MYH15: variants seen among roughly 807,000 people sequenced by gnomAD.
The protein encoded by MYH15 is myosin heavy chain 15, also known as myosin-15.
In MYH15, 227 loss-of-function variants were observed where a neutral mutation model predicts 240.5. The ratio of observed to expected loss-of-function variants is 0.94; its 90% confidence interval spans 0.85 to 1.05. The LOEUF (loss-of-function observed/expected upper bound fraction) is 1.05, where lower values mean the gene tolerates loss of function less well. Ranked by LOEUF, MYH15 falls within the 50% of genes least tolerant of loss-of-function variation. The pLI, the probability that MYH15 is intolerant of heterozygous loss-of-function variation, is 0.00. For synonymous variants in MYH15, 785 were observed against 796.7 expected (o/e 0.99, Z 0.25); for missense variants, 2,217 against 2,247.5 (o/e 0.99, Z 0.27).
Position 108,411,030 on chromosome 3 carries a change from A to G in MYH15, c.4146-98T>C. ...TAAAGATAGAGCTTGGGTGCAAAGT[A>G]AGATGGCGCCTCTGCAGTGGACTTA... On this transcript the variant is annotated intron_variant, in intron 30 of 40. Transcript: ENST00000693548. 1.1e-5 allele frequency: 11 copies of G among 1,010,240 alleles called. No homozygotes were observed. In the South Asian group the frequency reaches 1.7e-4, roughly 15 times the overall value. The allele number at this position is 1,010,240 out of a possible 1,614,324, so 62.6% of individuals were successfully genotyped here. A position where few individuals can be genotyped will look rare whatever the true frequency, so the allele number is the denominator to read the frequency against.
chr3:108,508,488 C>T (rs1036694269), intron 1 of MYH15, among the ~76,000 whole-genome samples: 1 of 152,100 alleles, frequency 6.6e-6, no homozygotes, highest in Non-Finnish European at 1.5e-5. Context: ...CTCTTTTGGC[C>T]TTCGTATTCT....
the MYH15 span, among the ~76,000 whole-genome samples, chr3:108,549,531 A>C: frequency 6.6e-6 from 1 of 152,078 alleles, no homozygotes; most frequent in Non-Finnish European, 1.5e-5. Flanking sequence ...ATTTATATAG[A>C]TCTTTAAGAA....
Position 108,492,201 on chromosome 3 carries a change from T to TACACACACACACACACAC in MYH15, c.871+281_871+298dup, listed in dbSNP as rs10662107. ...TTAAGGCCTTAAATTAATGCTTTTA[T>TACACACACACACACACAC]ACACACACACACACACACACACACA... On this transcript the variant is annotated intron_variant, in intron 9 of 40. Coordinates refer to ENST00000693548, the MANE Select transcript of MYH15 (RefSeq NM_014981.3). Among the ~76,000 whole-genome samples the TACACACACACACACACAC allele has an allele frequency of 3.4e-5, 5 of 147,926 alleles. No individual in the cohort carries two copies. The South Asian group carries it at 8.7e-4, about 26-fold the overall frequency.
intron 1 of MYH15, among the ~76,000 whole-genome samples, chr3:108,528,563 A>G (rs113172059): frequency 7.2e-4 from 110 of 152,294 alleles, no homozygotes; most frequent in Middle Eastern, 3.4e-3. Flanking sequence ...GTGTATGAAC[A>G]TGTATCTCAA....
At chr3:108,530,670 G>T (rs2083705421), upstream of MYH15, among the ~76,000 whole-genome samples, 1 of 152,170 alleles carries the variant, frequency 6.6e-6, no homozygotes, top group Non-Finnish European at 1.5e-5. Flanking sequence ...TGCATGTGTA[G>T]GGACAGGGGA....
chr3:108,432,007 T>C (rs2082783121), intron 25 of MYH15, among the ~76,000 whole-genome samples: 1 of 152,096 alleles, frequency 6.6e-6, no homozygotes, highest in Non-Finnish European at 1.5e-5. Context: ...AAGGAATTTC[T>C]AAGCAGCAAA....
chr3:108,469,518 G>A (rs1351002096), intron 14 of MYH15, among the ~76,000 whole-genome samples: 1 of 152,160 alleles, frequency 6.6e-6, no homozygotes, highest in Non-Finnish European at 1.5e-5. Context: ...TTACTAATAA[G>A]CCATGAAGTA....
chr3:108,528,628 C>A (rs1314200555), intron 1 of MYH15, among the ~76,000 whole-genome samples: 5 of 152,116 alleles, frequency 3.3e-5, no homozygotes, highest in Non-Finnish European at 7.4e-5. Flanking sequence ...GATCTAAGTT[C>A]TTGTGTTTAC....
At chr3:108,392,029 C>A in intron 36 of MYH15, 99 bp from the exon 37 acceptor site, 2 of 1,322,658 alleles carry the variant, frequency 1.5e-6, no homozygotes, top group Non-Finnish European at 2.1e-6. Flanking sequence ...GGCTGCCACG[C>A]CTTGCCTCTA....
Position 108,500,253 on chromosome 3 carries a change from C to T in MYH15, c.361G>A (p.Val121Met), listed in dbSNP as rs773327072. 1 of 1,613,638 alleles carries T rather than the reference C, an allele frequency of 6.2e-7. No homozygotes were observed. The highest frequency in any genetic ancestry group is 2.2e-5 in the East Asian group (1 of 44,876). ...MIYTYSGLFC[V>M]TINPYKWLPV... ...AGCCATTTGTAAGGGTTTATGGTCA[C>T]ACAGAAGAGACCTGAATATGTCTGA... Residue 121 changes from valine (V) to methionine (M), a missense_variant, in exon 4 of 41, where the codon GTG becomes ATG. Physicochemically the swap from Val to Met is conservative, Grantham distance 21. Coordinates refer to ENST00000693548, the MANE Select transcript of MYH15 (RefSeq NM_014981.3).
chr3:108,434,817 T>G lies in MYH15; in HGVS notation c.3221+2737A>C, dbSNP rs184513628. On this transcript the variant is annotated intron_variant, in intron 25 of 40. Coordinates refer to ENST00000693548, the MANE Select transcript of MYH15 (RefSeq NM_014981.3). Reference sequence around the variant, plus strand: ...AATGTATAGGTGAGTGCTAAAAAAATAAGATAGCCCTGTCCCTTGCTCTCC... The same window carrying G: ...AATGTATAGGTGAGTGCTAAAAAAAGAAGATAGCCCTGTCCCTTGCTCTCC... Among the ~76,000 whole-genome samples, 22 of 152,278 alleles carry G rather than the reference T, an allele frequency of 1.4e-4. No individual in the cohort carries two copies. In the East Asian group the frequency reaches 3.9e-3, roughly 27 times the overall value.
chr3:108,469,986 C>T, intron 14 of MYH15, 56 bp downstream of exon 14: 3 of 1,534,656 alleles, frequency 2.0e-6, no homozygotes, highest in Non-Finnish European at 8.8e-7. Flanking sequence ...ATCAACATAG[C>T]AGGCAGGGAC....
chr3:108,428,666 G>T lies in MYH15; in HGVS notation c.3528C>A (p.His1176Gln). Residue 1176 changes from histidine (H) to glutamine (Q), a missense_variant, in exon 27 of 41, where the codon CAC (histidine) becomes CAA (glutamine). His to Gln is a conservative substitution (Grantham distance 24). Coordinates refer to ENST00000693548, the MANE Select transcript of MYH15 (RefSeq NM_014981.3). ...LHRDMEEATL[H>Q]FETTSASLKK... ...TCAAAGATGCAGAAGTTGTCTCAAA[G>T]TGCAGAGTGGCCTCTTCCATGTCTC... 5 of 1,613,450 alleles carry T rather than the reference G, an allele frequency of 3.1e-6. No individual in the cohort carries two copies. The highest frequency in any genetic ancestry group is 3.4e-6 in the Non-Finnish European group (4 of 1,179,932).
intron 8 of MYH15, among the ~76,000 whole-genome samples, chr3:108,492,816 T>C (rs2083361927): frequency 6.6e-6 from 1 of 152,064 alleles, no homozygotes; most frequent in Non-Finnish European, 1.5e-5. Context: ...CTGGGCATGG[T>C]GGCACATGCC....
chr3:108,476,468 C>T lies in MYH15; in HGVS notation c.1162G>A (p.Val388Ile). Reference protein sequence around the residue: ...FLMGINSSELVKCLIHPRIKV... With the variant: ...FLMGINSSELIKCLIHPRIKV... ...ATTCTAGGATGGATCAAGCACTTTACCAACTCAGAGGAGTTAATGCCCATG... is the reference window on the plus strand; with the variant it reads ...ATTCTAGGATGGATCAAGCACTTTATCAACTCAGAGGAGTTAATGCCCATG... Residue 388 changes from valine to isoleucine, a missense_variant, in exon 12 of 41, where the codon GTA becomes ATA. Val to Ile is a conservative substitution (Grantham distance 29, BLOSUM62 3). Coordinates refer to ENST00000693548, the MANE Select transcript of MYH15 (RefSeq NM_014981.3). 6.2e-7 allele frequency: 1 copy of T among 1,613,396 alleles called. No homozygotes were observed. Among genetic ancestry groups the T allele is most frequent in the Non-Finnish European group, 8.5e-7 (1 of 1,179,570 alleles).
intron 11 of MYH15, among the ~76,000 whole-genome samples, chr3:108,478,905 A>C (rs1381433286): frequency 2.6e-5 from 4 of 152,158 alleles, no homozygotes; most frequent in Admixed American, 6.6e-5. Context: ...ATAGCATCTA[A>C]CATTACAGGA....
At chr3:108,549,606 G>A in the MYH15 span, among the ~76,000 whole-genome samples, 1 of 151,948 alleles carries the variant, frequency 6.6e-6, no homozygotes, top group Non-Finnish European at 1.5e-5. Context: ...TATCTAACAG[G>A]ATGGTTATCA....
At chr3:108,422,569 G>A (rs2082692089) in intron 27 of MYH15, among the ~76,000 whole-genome samples, 1 of 152,180 alleles carries the variant, frequency 6.6e-6, no homozygotes, top group Non-Finnish European at 1.5e-5. Flanking sequence ...AATAGCAGCA[G>A]CAGTTAATTT....
At chr3:108,545,738 AG>A in the MYH15 span, among the ~76,000 whole-genome samples, 1 of 151,950 alleles carries the variant, frequency 6.6e-6, no homozygotes, top group Admixed American at 6.6e-5. Context: ...AAAGATATTC[AG>A]GTATCTGAAT....
Sources: allele counts gnomAD v4.1 joint callset (sites outside exome capture counted in the v4.1 genomes callset), GRCh38; gene constraint gnomAD v4.1.1; transcripts MANE v1.5; gene names NCBI Gene and HGNC (gene_info 2026-07-23, HGNC 2026-07-21).